NCBP1: variants seen among roughly 807,000 people sequenced by gnomAD.
NCBP1 encodes nuclear cap binding protein subunit 1.
A neutral mutation model predicts 111.7 loss-of-function variants in NCBP1; 16 were observed. That is an observed-to-expected ratio of 0.14 (90% CI 0.10 to 0.22). The LOEUF is 0.22. Among genes scored for constraint, NCBP1 ranks in the 10% least tolerant of loss-of-function variants. The pLI, the probability that NCBP1 is intolerant of heterozygous loss-of-function variation, is 1.00. For missense variants in NCBP1, 607 were observed against 957.5 expected (o/e 0.63, Z 4.83); for synonymous variants, 304 against 314.3 (o/e 0.97, Z 0.35).
At chr9:97,655,014 A>G in intron 12 of NCBP1, 70 bp downstream of exon 12, 1 of 1,264,660 alleles carries the variant, frequency 7.9e-7, no homozygotes, top group Non-Finnish European at 1.1e-6. Context: ...AAGGAATTTG[A>G]GAAAGACATT....
Position 97,660,992 on chromosome 9 carries a change from T to G in NCBP1, c.1524T>G (p.Phe508Leu), listed in dbSNP as rs1176131002. 1 of 1,612,782 alleles carries G rather than the reference T, an allele frequency of 6.2e-7. No homozygotes were observed. Among genetic ancestry groups the G allele is most frequent in the Non-Finnish European group, 8.5e-7 (1 of 1,179,668 alleles). The change falls in exon 16 of 23, where the codon TTT becomes TTG. Residue 508 changes from phenylalanine to leucine, a missense_variant. This residue lies in a region of NCBP1 where 282 missense variants were observed against 376.5 expected (regional missense o/e 0.75). Transcript: ENST00000375147. ...TTGCCCTCTGTTTAGCTGTTGCCTTTAAAAGTAAGGCAACCAATGATGAAA... is the reference window on the plus strand; with the variant it reads ...TTGCCCTCTGTTTAGCTGTTGCCTTGAAAAGTAAGGCAACCAATGATGAAA... Reference protein sequence around the residue: ...HSVALCLAVAFKSKATNDEIF... With the variant: ...HSVALCLAVALKSKATNDEIF...
intron 10 of NCBP1, 91 bp downstream of exon 10, chr9:97,651,464 A>G (rs988035922): frequency 2.0e-5 from 23 of 1,128,848 alleles, no homozygotes; most frequent in Non-Finnish European, 2.9e-5. Context: ...TTATTTATTT[A>G]TTTATTTATT....
intron 16 of NCBP1, among the ~76,000 whole-genome samples, chr9:97,661,488 A>G (rs1827832157): frequency 6.6e-6 from 1 of 152,204 alleles, no homozygotes; most frequent in African/African-American, 2.4e-5. Flanking sequence ...TCTGGGCAAG[A>G]GTGGGAAAAT....
chr9:97,648,985 A>C (rs961318602), intron 8 of NCBP1, among the ~76,000 whole-genome samples: 19 of 152,174 alleles, frequency 1.2e-4, no homozygotes, highest in African/African-American at 4.6e-4. Context: ...TACAGGCATG[A>C]GCCACTGCAC....
intron 3 of NCBP1, among the ~76,000 whole-genome samples, chr9:97,642,569 A>G (rs997167047): frequency 3.9e-5 from 6 of 152,134 alleles, no homozygotes; most frequent in Admixed American, 6.6e-5. Context: ...CCATACTTTT[A>G]AAATAACTTT....
chr9:97,646,680 T>C (rs1219165548), intron 6 of NCBP1, among the ~76,000 whole-genome samples: 2 of 151,648 alleles, frequency 1.3e-5, no homozygotes, highest in African/African-American at 4.8e-5. Context: ...TACTAAAAAA[T>C]ACAAAAATTA....
At chr9:97,664,924 C>T (rs995291152) in intron 19 of NCBP1, among the ~76,000 whole-genome samples, 3 of 152,140 alleles carry the variant, frequency 2.0e-5, no homozygotes, top group Non-Finnish European at 4.4e-5. Context: ...GGGTTCTCAC[C>T]ACAGTCATAA....
In NCBP1 at chr9:97,668,855, G is replaced by C; in HGVS notation, c.2026G>C (p.Asp676His). 1 of 1,611,096 alleles carries C rather than the reference G, an allele frequency of 6.2e-7. No individual in the cohort carries two copies. Among genetic ancestry groups the C allele is most frequent in the Non-Finnish European group, 8.5e-7 (1 of 1,179,080 alleles). The part of the protein sequence containing the change: ...LARQHKRRSD[D>H]DDRSSDRKDG... ...CATTTGCCTTCTATAGCGAAGTGATGATGACGACAGAAGCAGTGACAGGAA... is the reference window on the plus strand; with the variant it reads ...CATTTGCCTTCTATAGCGAAGTGATCATGACGACAGAAGCAGTGACAGGAA... Residue 676 changes from aspartate (D) to histidine (H), a missense_variant, in exon 21 of 23, where the codon GAT (aspartate) becomes CAT (histidine). Coordinates refer to ENST00000375147, the MANE Select transcript of NCBP1 (RefSeq NM_002486.5).
At chr9:97,669,541 A>G (rs1828111222) in intron 21 of NCBP1, 52 bp from the exon 22 acceptor site, 11 of 1,322,110 alleles carry the variant, frequency 8.3e-6, no homozygotes, top group Non-Finnish European at 1.2e-5. Context: ...ATTTTTTTCC[A>G]AAGTATAAGA....
intron 21 of NCBP1, 54 bp from the exon 22 acceptor site, chr9:97,669,539 C>A: frequency 7.8e-7 from 1 of 1,290,274 alleles, no homozygotes; most frequent in Non-Finnish European, 1.1e-6. Context: ...GAATTTTTTT[C>A]CAAAGTATAA....
chr9:97,659,629 A>T (rs73655105), intron 15 of NCBP1, among the ~76,000 whole-genome samples: 1 of 152,320 alleles, frequency 6.6e-6, no homozygotes, highest in African/African-American at 2.4e-5. Context: ...TAGGTGCACT[A>T]ACTGAGTGGC....
chr9:97,635,043 A>G (rs923834481), intron 1 of NCBP1, among the ~76,000 whole-genome samples: 17 of 152,364 alleles, frequency 1.1e-4, no homozygotes, highest in African/African-American at 3.6e-4. Flanking sequence ...AAAAAAACCC[A>G]TAACAGACAT....
intron 22 of NCBP1, among the ~76,000 whole-genome samples, chr9:97,670,718 T>C (rs995163192): frequency 6.6e-6 from 1 of 152,224 alleles, no homozygotes; most frequent in African/African-American, 2.4e-5. Context: ...TCAGTCCGTC[T>C]GGCTGCTTTT....
intron 10 of NCBP1, among the ~76,000 whole-genome samples, chr9:97,651,617 A>G (rs1210968613): frequency 6.6e-6 from 1 of 152,222 alleles, no homozygotes; most frequent in Non-Finnish European, 1.5e-5. Context: ...TTATTTATAT[A>G]GTATGTCTTC....
intron 15 of NCBP1, 46 bp downstream of exon 15, chr9:97,658,789 A>C: frequency 1.4e-6 from 2 of 1,380,692 alleles, no homozygotes; most frequent in Non-Finnish European, 2.1e-6. Context: ...GTACCAGTTC[A>C]AGTATATCTG....
intron 21 of NCBP1, 68 bp downstream of exon 21, chr9:97,669,042 ATG>A (rs1828097022): frequency 6.8e-7 from 1 of 1,469,336 alleles, no homozygotes; most frequent in Non-Finnish European, 9.2e-7. Context: ...GTTTTTAAAA[ATG>A]TTATTTTTCA....
chr9:97,667,858 C>T (rs1225342007), intron 20 of NCBP1, among the ~76,000 whole-genome samples: 1 of 152,186 alleles, frequency 6.6e-6, no homozygotes, highest in South Asian at 2.1e-4. Context: ...TAACATTGGC[C>T]CCATTGAAGA....
At chr9:97,669,372 A>C (rs976067323) in intron 21 of NCBP1, among the ~76,000 whole-genome samples, 1 of 152,218 alleles carries the variant, frequency 6.6e-6, no homozygotes, top group Non-Finnish European at 1.5e-5. Flanking sequence ...TAAGTAATTT[A>C]AGACATTAAA....
intron 22 of NCBP1, 53 bp from the exon 23 acceptor site, chr9:97,671,033 G>A (rs898407503): frequency 8.3e-7 from 1 of 1,209,288 alleles, no homozygotes; most frequent in Non-Finnish European, 1.2e-6. Context: ...TGTTCCACAA[G>A]ATTGCTTATA....
Sources: gnomAD v4.1 joint callset for allele counts (sites outside exome capture counted in the v4.1 genomes callset) on GRCh38, gnomAD v4.1.1 for gene constraint, gnomAD v4.1.1 regional missense constraint, MANE v1.5 for transcripts, NCBI Gene and HGNC (gene_info 2026-07-23, HGNC 2026-07-21) for gene names.